CFAP74: variants seen among roughly 807,000 people sequenced by gnomAD.
The protein encoded by CFAP74 is cilia- and flagella-associated protein 74.
In CFAP74, 124 loss-of-function variants were observed where a neutral mutation model predicts 188.9. The ratio of observed to expected loss-of-function variants is 0.66; its 90% CI spans 0.57 to 0.76. The LOEUF (loss-of-function observed/expected upper bound fraction) is 0.76, where lower values mean the gene tolerates loss of function less well. Among genes scored for constraint, CFAP74 ranks in the 30% least tolerant of loss-of-function variants. CFAP74 has a pLI of 0.00. For synonymous variants in CFAP74, 956 were observed against 916.7 expected (o/e 1.04, Z -0.77); for missense variants, 2,198 against 2,165.2 (o/e 1.02, Z -0.30).
At position 1,971,045 on chromosome 1, in the gene CFAP74, G is replaced by A. The variant is rs185230012; in HGVS notation, c.889-229C>T. ...ATCACACATGCACACCTGCACACACGTGCACACACATGCTCACACACGCAC... is the reference window on the plus strand; with the variant it reads ...ATCACACATGCACACCTGCACACACATGCACACACATGCTCACACACGCAC... On this transcript the variant is annotated intron_variant, in intron 9 of 38. Coordinates refer to ENST00000682832, the MANE Select transcript of CFAP74 (RefSeq NM_001304360.2). Among the ~76,000 whole-genome samples the A allele has an allele frequency of 3.1e-4, 43 of 138,020 alleles. No individual in the cohort carries two copies. The East Asian group carries it at 8.8e-3, about 28-fold the overall frequency. 90.5% of individuals were successfully genotyped at this position (138,020 alleles called of 152,430 possible). A position where few individuals can be genotyped will look rare whatever the true frequency, so the allele number is the denominator to read the frequency against.
intron 24 of CFAP74, 129 bp from the exon 25 acceptor site, chr1:1,939,117 T>G: frequency 2.0e-6 from 2 of 988,474 alleles, no homozygotes; most frequent in Non-Finnish European, 3.0e-6. Flanking sequence ...GGTGAGAGTG[T>G]CGCTGTCAAC....
At chr1:1,926,585 G>A in intron 30 of CFAP74, 67 bp downstream of exon 30, 10 of 1,547,360 alleles carry the variant, frequency 6.5e-6, no homozygotes, top group Non-Finnish European at 8.7e-6. Context: ...GTGGGCCGTG[G>A]GGCTGGGGGA....
chr1:1,962,423 C>T (rs566128109), intron 14 of CFAP74, among the ~76,000 whole-genome samples: 1 of 149,212 alleles, frequency 6.7e-6, no homozygotes, highest in South Asian at 2.1e-4. Flanking sequence ...TTGCAGGGAG[C>T]CGAGATTGTG....
chr1:1,930,090 C>T lies in CFAP74; in HGVS notation c.3258G>A (p.Ser1086=), dbSNP rs935216833. ...CTGGCCACACGGTCCCCACTGAGGG[C>T]GAGATGGTGATAGGCGAGTCTGGGG... ...LLPPDSPITI[S]PSVGTVWPGK... is the part of the protein sequence containing the mutation. Residue 1086 remains serine (S), a synonymous_variant, in exon 26 of 39, where the codon TCG becomes TCA. Transcript: ENST00000682832. 6.5e-6 allele frequency: 10 copies of T among 1,531,832 alleles called. No homozygotes were observed. Among genetic ancestry groups the T allele is most frequent in the East Asian group, 2.4e-5 (1 of 40,830 alleles). The allele number at this position is 1,531,832 out of a possible 1,614,324, so 94.9% of individuals were successfully genotyped here.
At position 1,973,495 on chromosome 1, in the gene CFAP74, G is replaced by C. The variant is rs1164669399; in HGVS notation, c.675-448C>G. On this transcript the variant is annotated intron_variant, in intron 7 of 38. Coordinates refer to ENST00000682832, the MANE Select transcript of CFAP74 (RefSeq NM_001304360.2). The surrounding 1 kb of genome is among the most constrained non-coding windows in gnomAD (Gnocchi z 6.2). The stretch of plus-strand genomic sequence containing the variant: ...GGGGGTCCCGAGGAGAGAGGCTCAC[G>C]GCAGGTTGGGACAGCTGGCCTGATG... Among the ~76,000 whole-genome samples the C allele has an allele frequency of 3.3e-5, 5 of 152,152 alleles. No individual in the cohort carries two copies. The highest frequency in any genetic ancestry group is 3.3e-4 in the Admixed American group (5 of 15,270).
intron 25 of CFAP74, among the ~76,000 whole-genome samples, chr1:1,937,103 C>T (rs372897002): frequency 5.3e-5 from 8 of 152,322 alleles, no homozygotes; most frequent in Middle Eastern, 3.4e-3. Flanking sequence ...AAGGACTCCA[C>T]GTGTGCCTCA....
Position 1,923,119 on chromosome 1 carries a change from G to T in CFAP74, c.4549C>A (p.Pro1517Thr). 1 of 1,609,348 alleles carries T rather than the reference G, an allele frequency of 6.2e-7. No homozygotes were observed. The highest frequency in any genetic ancestry group is 8.5e-7 in the Non-Finnish European group (1 of 1,178,776). Residue 1517 changes from proline to threonine, a missense_variant, in exon 37 of 39, where the codon CCA becomes ACA. Transcript: ENST00000682832. The surrounding 1 kb of genome is among the most constrained non-coding windows in gnomAD (Gnocchi z 6.3). ...EASSRPGPLS[P>T]EAEELRPILV... ...ATGGGCCTCAGCTCCTCAGCTTCTG[G>T]AGAGAGAGGGCCTGGCCGGGAGCTG...
chr1:1,959,264 T>C (rs1654891879), intron 15 of CFAP74, 55 bp from the exon 16 acceptor site: 3 of 1,310,128 alleles, frequency 2.3e-6, no homozygotes, highest in South Asian at 2.5e-5. Context: ...TTGTGTGTTT[T>C]GTTTTTTTTT....
At chr1:1,954,906 C>T (rs1482776848) in intron 18 of CFAP74, 39 of 1,182,126 alleles carry the variant, frequency 3.3e-5, no homozygotes, top group South Asian at 1.8e-4. Context: ...CAGTGCAGAA[C>T]GGCCTTCGCA....
rs1267410399 is a variant in CFAP74 at position 1,968,028 on chromosome 1, ATGAG to A, written c.1245+603_1245+606del. Among the ~76,000 whole-genome samples the A allele has an allele frequency of 6.6e-6, 1 of 151,814 alleles. No homozygotes were observed. Among genetic ancestry groups the A allele is most frequent in the Non-Finnish European group, 1.5e-5 (1 of 67,968 alleles). ...AGCGAATGAGTGAATGAATGAGTGA[ATGAG>A]TGAATGAATAAGTGTATCAGTGAGT... On this transcript the variant is annotated intron_variant, in intron 11 of 38. Coordinates refer to ENST00000682832, the MANE Select transcript of CFAP74 (RefSeq NM_001304360.2). The surrounding 1 kb of genome is among the most constrained non-coding windows in gnomAD (Gnocchi z 4.3).
At chr1:1,966,261 G>T in intron 12 of CFAP74, 110 bp downstream of exon 12, 2 of 1,075,106 alleles carry the variant, frequency 1.9e-6, no homozygotes, top group Non-Finnish European at 2.6e-6. Context: ...GGCACAGCCA[G>T]GAGAAGCCTC....
At chr1:1,951,053 G>A (rs1289562166) in intron 18 of CFAP74, among the ~76,000 whole-genome samples, 1 of 152,138 alleles carries the variant, frequency 6.6e-6, no homozygotes, top group Admixed American at 6.5e-5. Context: ...CTGCTATAAA[G>A]AACTGCCCGA....
At chr1:1,941,288 T>TC (rs1653359035) in intron 22 of CFAP74, among the ~76,000 whole-genome samples, 2 of 151,704 alleles carry the variant, frequency 1.3e-5, no homozygotes, top group African/African-American at 2.4e-5. Flanking sequence ...TGCGCCCACC[T>TC]CCCCCACCAA....
chr1:1,970,600 T>C, intron 10 of CFAP74, 59 bp downstream of exon 10: 1 of 1,543,160 alleles, frequency 6.5e-7, no homozygotes, highest in Non-Finnish European at 8.8e-7. Flanking sequence ...CCCTTGGCTC[T>C]CCCTGCACCC....
rs112004167 is a variant in CFAP74 at position 1,936,659 on chromosome 1, G to A, written c.3011+2196C>T. On this transcript the variant is annotated intron_variant, in intron 25 of 38. Transcript: ENST00000682832. The stretch of plus-strand genomic sequence containing the variant: ...TGGCTCACGCCTGTCATCCCAGCAC[G>A]TTGGGAGGCTGAAGCGGGAGGATCG... Among the ~76,000 whole-genome samples, 265 of 152,146 alleles carry A rather than the reference G, an allele frequency of 1.7e-3. 1 individual carries two copies. Among genetic ancestry groups the A allele is most frequent in the African/African-American group, 6.2e-3 (256 of 41,536 alleles).
chr1:1,927,955 C>T (rs571619007), intron 27 of CFAP74: 23 of 583,278 alleles, frequency 3.9e-5, no homozygotes, highest in Non-Finnish European at 6.3e-5. Context: ...CAGACTGTGG[C>T]GTCTGCTTCA....
At chr1:1,955,012 G>A (rs1654456464) in intron 18 of CFAP74, 1 of 1,108,286 alleles carries the variant, frequency 9.0e-7, no homozygotes, top group Non-Finnish European at 1.1e-6. Flanking sequence ...ACGCAGTGGT[G>A]AGGACAGGAA....
intron 6 of CFAP74, among the ~76,000 whole-genome samples, chr1:1,978,957 T>C (rs1462867654): frequency 6.6e-6 from 1 of 151,462 alleles, no homozygotes; most frequent in Non-Finnish European, 1.5e-5. Context: ...AACACGTGTG[T>C]CGTGCTGAGC....
intron 18 of CFAP74, chr1:1,954,708 G>A (rs1166558408): frequency 1.2e-4 from 85 of 694,970 alleles, no homozygotes; most frequent in Non-Finnish European, 1.4e-4. Context: ...GCTTGAGCCC[G>A]GGAGGTCGAG....
Sources: gnomAD v4.1 joint callset for allele counts (sites outside exome capture counted in the v4.1 genomes callset) on GRCh38, gnomAD v4.1.1 for gene constraint, Gnocchi (gnomAD v3.1) non-coding constraint, MANE v1.5 for transcripts, NCBI Gene and HGNC (gene_info 2026-07-23, HGNC 2026-07-21) for gene names.